Variants in MAF observed in about 807,000 individuals in gnomAD.
MAF encodes the protein MAF bZIP transcription factor.
A neutral mutation model predicts 22.0 loss-of-function variants in MAF; 10 were observed. That is an observed-to-expected ratio of 0.45 (90% CI 0.28 to 0.77). MAF has a LOEUF of 0.77. MAF is among the 30% of genes least tolerant of loss of function. MAF has a pLI of 0.12. For synonymous variants in MAF, 337 were observed against 255.8 expected (o/e 1.32, Z -3.03); for missense variants, 544 against 548.4 (o/e 0.99, Z 0.08).
the MAF span, among the ~76,000 whole-genome samples, chr16:79,546,542 A>C: frequency 6.6e-6 from 1 of 152,194 alleles, no homozygotes; most frequent in African/African-American, 2.4e-5. Context: ...TCCATTTCAT[A>C]TAAGATTATT....
At chr16:79,288,914 G>C in the MAF span, among the ~76,000 whole-genome samples, 2 of 152,170 alleles carry the variant, frequency 1.3e-5, no homozygotes, top group African/African-American at 2.4e-5. Context: ...ATTTTTAGTA[G>C]AGATGGGGTT....
the MAF span, among the ~76,000 whole-genome samples, chr16:79,210,033 C>G: frequency 6.6e-6 from 1 of 152,134 alleles, no homozygotes; most frequent in Non-Finnish European, 1.5e-5. Context: ...CTATTAAGTT[C>G]AAGTCATGTC....
intron 1 of MAF, among the ~76,000 whole-genome samples, chr16:79,587,350 G>T (rs1322410886): frequency 6.6e-6 from 1 of 151,994 alleles, no homozygotes; most frequent in Non-Finnish European, 1.5e-5. Flanking sequence ...AAACCTGGAA[G>T]TGTATCAGTA....
the MAF span, among the ~76,000 whole-genome samples, chr16:79,358,990 G>T: frequency 2.0e-5 from 3 of 152,080 alleles, no homozygotes; most frequent in Non-Finnish European, 2.9e-5. Context: ...GGAATGAACA[G>T]AAAGGCTCTC....
chr16:79,260,478 T>TCTATATCTATAA, the MAF span, among the ~76,000 whole-genome samples: 7 of 150,212 alleles, frequency 4.7e-5, no homozygotes, highest in African/African-American at 1.8e-4. Flanking sequence ...TATATCTATA[T>TCTATATCTATAA]CTATATCTAT....
At chr16:79,485,034 T>C in the MAF span, among the ~76,000 whole-genome samples, 1 of 152,234 alleles carries the variant, frequency 6.6e-6, no homozygotes, top group African/African-American at 2.4e-5. Context: ...ACATCATGCT[T>C]CTTGGCCTGA....
the MAF span, among the ~76,000 whole-genome samples, chr16:79,408,181 T>A: frequency 6.6e-6 from 1 of 152,062 alleles, no homozygotes; most frequent in East Asian, 1.9e-4. Context: ...GCTTTTCTTT[T>A]CTTTTCTTTG....
the MAF span, among the ~76,000 whole-genome samples, chr16:79,541,831 T>G: frequency 6.6e-6 from 1 of 152,014 alleles, no homozygotes; most frequent in Non-Finnish European, 1.5e-5. Context: ...AATTTTTGTA[T>G]TTTTACTAGA....
chr16:79,597,661 T>C (rs1026748226), intron 1 of MAF: 1 of 1,021,088 alleles, frequency 9.8e-7, no homozygotes, highest in Non-Finnish European at 1.2e-6. Context: ...TTGCACTGTT[T>C]TGTTCTAAAC....
At chr16:79,351,182 G>A in the MAF span, among the ~76,000 whole-genome samples, 1 of 152,100 alleles carries the variant, frequency 6.6e-6, no homozygotes, top group African/African-American at 2.4e-5. Flanking sequence ...TTTTGCATTT[G>A]GAAAACTCTC....
the MAF span, among the ~76,000 whole-genome samples, chr16:79,258,044 C>T: frequency 6.6e-6 from 1 of 152,100 alleles, no homozygotes; most frequent in Non-Finnish European, 1.5e-5. Flanking sequence ...TACAAATGGC[C>T]AGATAACATC....
chr16:79,450,259 G>C, the MAF span, among the ~76,000 whole-genome samples: 12 of 152,104 alleles, frequency 7.9e-5, no homozygotes, highest in African/African-American at 2.7e-4. Context: ...TGATTGTTTA[G>C]GTCATTTTCA....
At chr16:79,414,255 T>C in the MAF span, among the ~76,000 whole-genome samples, 17 of 152,304 alleles carry the variant, frequency 1.1e-4, no homozygotes, top group African/African-American at 3.4e-4. Flanking sequence ...AGAGATTTAT[T>C]TGGCTTACAG....
At chr16:79,440,276 T>C in the MAF span, among the ~76,000 whole-genome samples, 1 of 152,170 alleles carries the variant, frequency 6.6e-6, no homozygotes, top group Non-Finnish European at 1.5e-5. Flanking sequence ...GCACACACCA[T>C]ATTCACAGAG....
the MAF span, among the ~76,000 whole-genome samples, chr16:79,254,671 C>A: frequency 1.3e-5 from 2 of 152,128 alleles, no homozygotes; most frequent in African/African-American, 4.8e-5. Flanking sequence ...TCTGGGATCT[C>A]GGTTCCTGGA....
chr16:79,408,484 G>A, the MAF span, among the ~76,000 whole-genome samples: 1 of 152,100 alleles, frequency 6.6e-6, no homozygotes, highest in African/African-American at 2.4e-5. Flanking sequence ...CCACATTGTG[G>A]CTTTTCTACT....
chr16:79,406,335 G>A, the MAF span, among the ~76,000 whole-genome samples: 26 of 152,236 alleles, frequency 1.7e-4, no homozygotes, highest in Middle Eastern at 3.4e-3. Context: ...AGTCTCTTTG[G>A]GCTGCTATAC....
the MAF span, among the ~76,000 whole-genome samples, chr16:79,572,040 G>A: frequency 4.6e-5 from 7 of 152,132 alleles, no homozygotes; most frequent in Non-Finnish European, 1.0e-4. Flanking sequence ...ATTAAAAACT[G>A]AAAGAAGAAA....
the MAF span, among the ~76,000 whole-genome samples, chr16:79,360,344 A>G: frequency 6.6e-6 from 1 of 152,104 alleles, no homozygotes; most frequent in South Asian, 2.1e-4. Context: ...CCCTTAAATG[A>G]TGCCCTACTG....
Sources: gnomAD v4.1 joint callset for allele counts (sites outside exome capture counted in the v4.1 genomes callset) on GRCh38, gnomAD v4.1.1 for gene constraint, MANE v1.5 for transcripts, NCBI Gene and HGNC (gene_info 2026-07-23, HGNC 2026-07-21) for gene names.